The following KCNK10 variants were observed in gnomAD, a reference collection of about 807,000 sequenced individuals.
The protein encoded by KCNK10 is potassium channel subfamily K member 10.
In KCNK10, 25 loss-of-function variants were observed where a neutral mutation model predicts 47.7. The observed-to-expected ratio is 0.52, with a 90% CI of 0.38 to 0.73. The LOEUF (loss-of-function observed/expected upper bound fraction) is 0.73. Ranked by LOEUF, KCNK10 falls within the 30% of genes least tolerant of loss-of-function variation. The pLI, the probability that KCNK10 is intolerant of heterozygous loss-of-function variation, is 0.00. For synonymous variants in KCNK10, 303 were observed against 285.6 expected (o/e 1.06, Z -0.61); for missense variants, 563 against 714.5 (o/e 0.79, Z 2.42).
At chr14:88,217,734 T>G (rs1256264162) in intron 4 of KCNK10, among the ~76,000 whole-genome samples, 1 of 151,432 alleles carries the variant, frequency 6.6e-6, no homozygotes, top group Non-Finnish European at 1.5e-5. Flanking sequence ...TGAATCTTTT[T>G]TTTTTTGAGA....
intron 1 of KCNK10, among the ~76,000 whole-genome samples, chr14:88,317,146 G>A (rs1276896855): frequency 6.6e-6 from 1 of 152,140 alleles, no homozygotes; most frequent in Non-Finnish European, 1.5e-5. Flanking sequence ...GTACTTTTGA[G>A]GATAATTGTG....
intron 1 of KCNK10, among the ~76,000 whole-genome samples, chr14:88,309,977 A>G (rs1595132829): frequency 6.6e-6 from 1 of 151,780 alleles, no homozygotes. Flanking sequence ...CCCACTTGAC[A>G]CCAGCCTATC....
At chr14:88,326,718 C>T (rs1356837406), upstream of KCNK10, 4 of 505,444 alleles carry the variant, frequency 7.9e-6, no homozygotes, top group Admixed American at 1.2e-4. Flanking sequence ...AAAACCTGCC[C>T]GGCTGGAGCG....
intron 1 of KCNK10, among the ~76,000 whole-genome samples, chr14:88,270,492 T>C (rs1348516059): frequency 6.6e-6 from 1 of 152,130 alleles, no homozygotes; most frequent in Non-Finnish European, 1.5e-5. Context: ...GAGCAAGCCA[T>C]GGTCCCAAAA....
At chr14:88,218,393 T>C (rs1885692471) in intron 4 of KCNK10, among the ~76,000 whole-genome samples, 1 of 152,226 alleles carries the variant, frequency 6.6e-6, no homozygotes, top group Admixed American at 6.5e-5. Context: ...TTTGAGATTG[T>C]CATCACTTCC....
chr14:88,323,941 T>G (rs920214313), upstream of KCNK10, among the ~76,000 whole-genome samples: 6 of 152,144 alleles, frequency 3.9e-5, no homozygotes, highest in Admixed American at 3.3e-4. Context: ...GCCATGAGCC[T>G]TTTGTTCTGG....
At chr14:88,202,530 G>A (rs993124301) in intron 4 of KCNK10, among the ~76,000 whole-genome samples, 1 of 152,038 alleles carries the variant, frequency 6.6e-6, no homozygotes, top group African/African-American at 2.4e-5. Flanking sequence ...ATGTAACAGG[G>A]TTAAACCTTG....
At chr14:88,325,668 A>G (rs993283590), upstream of KCNK10, among the ~76,000 whole-genome samples, 3 of 137,010 alleles carry the variant, frequency 2.2e-5, no homozygotes, top group African/African-American at 5.2e-5. Context: ...TCTAAATACG[A>G]TATTTTCCAA....
rs1384453903 is a variant in KCNK10 at position 88,186,808 on chromosome 14, TGCTCCAGG to T, written c.1012-661_1012-654del. 5.3e-5 allele frequency among the ~76,000 whole-genome samples: 8 copies of T among 152,194 alleles called. No individual in the cohort carries two copies. Among genetic ancestry groups the T allele is most frequent in the Admixed American group, 6.5e-5 (1 of 15,284 alleles). ...TGGGGCTTTCCCTGGTTTAAGAAGA[TGCTCCAGG>T]GCACCTGGTAACCCACTTCCCCCAG... On this transcript the variant is annotated intron_variant, in intron 6 of 6. Coordinates refer to ENST00000319231, the MANE Select transcript of KCNK10 (RefSeq NM_138317.3). The surrounding 1 kb of genome is among the most constrained non-coding windows in gnomAD (Gnocchi z 5.5).
In KCNK10 at chr14:88,210,946, G is replaced by A. The variant is rs191438137; in HGVS notation, c.681+16429C>T. 1.2e-4 allele frequency among the ~76,000 whole-genome samples: 19 copies of A among 152,148 alleles called. No homozygotes were observed. The East Asian group carries it at 3.7e-3, about 29-fold the overall frequency. The stretch of plus-strand genomic sequence containing the variant: ...CAGCCACTGTAGAAAACAGTGTCAC[G>A]GTTCCTCAGAAAAATTAAATCTGTA... On this transcript the variant is annotated intron_variant, in intron 4 of 6. Transcript: ENST00000319231.
chr14:88,251,751 C>T (rs142290966), intron 2 of KCNK10, among the ~76,000 whole-genome samples: 90 of 152,338 alleles, frequency 5.9e-4, no homozygotes, highest in African/African-American at 1.9e-3. Flanking sequence ...TCAGCACCTG[C>T]GTGGTTTGGC....
At chr14:88,326,722 T>C (rs3742687), upstream of KCNK10, 201,302 of 485,698 alleles carry the variant, frequency 0.41, 43,471 homozygotes, top group Middle Eastern at 0.5. Context: ...CCTGCCCGGC[T>C]GGAGCGCACC....
intron 4 of KCNK10, among the ~76,000 whole-genome samples, chr14:88,220,504 T>C (rs1221978085): frequency 4.3e-5 from 5 of 117,100 alleles, no homozygotes; most frequent in Non-Finnish European, 5.3e-5. Flanking sequence ...GGAGAAAGAA[T>C]AGACAAATAG....
intron 2 of KCNK10, among the ~76,000 whole-genome samples, chr14:88,252,375 A>G (rs1289524932): frequency 6.6e-6 from 1 of 152,184 alleles, no homozygotes; most frequent in Non-Finnish European, 1.5e-5. Flanking sequence ...GTAGGCAATC[A>G]ACAAGTTTGT....
At chr14:88,302,952 T>G (rs2139791791) in intron 1 of KCNK10, among the ~76,000 whole-genome samples, 1 of 152,270 alleles carries the variant, frequency 6.6e-6, no homozygotes, top group Non-Finnish European at 1.5e-5. Context: ...ATTCACAGAC[T>G]CAGGGGATGA....
intron 4 of KCNK10, among the ~76,000 whole-genome samples, chr14:88,211,625 C>T (rs773254420): frequency 1.1e-4 from 17 of 152,114 alleles, no homozygotes; most frequent in Non-Finnish European, 2.4e-4. Context: ...TGGCCAGGCG[C>T]GGTGGCTCAC....
intron 1 of KCNK10, among the ~76,000 whole-genome samples, chr14:88,274,133 C>T (rs573882682): frequency 6.7e-6 from 1 of 149,922 alleles, no homozygotes; most frequent in Non-Finnish European, 1.5e-5. Flanking sequence ...TCCACAAGCA[C>T]CGCCATGGTT....
intron 2 of KCNK10, among the ~76,000 whole-genome samples, chr14:88,258,027 C>T (rs1180658785): frequency 1.3e-5 from 2 of 152,092 alleles, no homozygotes; most frequent in Non-Finnish European, 2.9e-5. Flanking sequence ...TGCCAAATGC[C>T]CCCTAGAGGC....
chr14:88,233,110 A>T (rs138184311), intron 3 of KCNK10, among the ~76,000 whole-genome samples: 6 of 152,196 alleles, frequency 3.9e-5, no homozygotes, highest in Non-Finnish European at 7.3e-5. Flanking sequence ...CAGGTAATAG[A>T]AAGCTCAACG....
Sources: gnomAD v4.1 joint callset for allele counts (sites outside exome capture counted in the v4.1 genomes callset) on GRCh38, gnomAD v4.1.1 for gene constraint, Gnocchi (gnomAD v3.1) non-coding constraint, MANE v1.5 for transcripts, NCBI Gene and HGNC (gene_info 2026-07-23, HGNC 2026-07-21) for gene names.